The following TGM6 variants were observed in gnomAD, a reference collection of about 807,000 sequenced individuals.
The protein encoded by TGM6 is transglutaminase 6, also known as protein-glutamine gamma-glutamyltransferase 6.
Under a neutral mutation model 77.5 loss-of-function variants are expected in TGM6, and 74 were observed. The observed-to-expected ratio is 0.96, with a 90% CI of 0.79 to 1.16. The LOEUF is 1.16. TGM6 is among the 50% of genes most tolerant of loss of function. The pLI is 0.00. For synonymous variants in TGM6, 383 were observed against 378.9 expected, an observed-to-expected ratio of 1.01 and a Z score of -0.12; for missense variants, 968 against 940.2, an observed-to-expected ratio of 1.03 and a Z score of -0.39.
chr20:2,431,894 T>C (rs537536211), intron 12 of TGM6, among the ~76,000 whole-genome samples: 2 of 152,178 alleles, frequency 1.3e-5, no homozygotes, highest in South Asian at 2.1e-4. Flanking sequence ...CTTGGGTGGA[T>C]TGGAATAAGA....
At chr20:2,417,615 C>A in intron 10 of TGM6, 42 bp downstream of exon 10, 8 of 1,560,156 alleles carry the variant, frequency 5.1e-6, no homozygotes, top group Non-Finnish European at 6.9e-6. Context: ...CAAACCACCT[C>A]CTTTTTCAGG....
chr20:2,395,519 G>A, intron 3 of TGM6, 83 bp downstream of exon 3: 1 of 1,610,558 alleles, frequency 6.2e-7, no homozygotes, highest in Non-Finnish European at 8.5e-7. Context: ...GGCCTGGGAG[G>A]TGGGTTAAAG....
chr20:2,384,936 G>T (rs1568651203), intron 1 of TGM6, among the ~76,000 whole-genome samples: 3 of 151,942 alleles, frequency 2.0e-5, no homozygotes, highest in Admixed American at 2.0e-4. Context: ...AAGGGTGAAG[G>T]CCCCCAGAGC....
intron 9 of TGM6, among the ~76,000 whole-genome samples, chr20:2,406,469 G>A (rs1373309008): frequency 2.7e-4 from 40 of 147,132 alleles, no homozygotes; most frequent in Non-Finnish European, 5.6e-4. Context: ...CTCCAGCCTG[G>A]GCAACACAGT....
At chr20:2,401,050 C>G (rs763740636) in intron 7 of TGM6, among the ~76,000 whole-genome samples, 1 of 151,704 alleles carries the variant, frequency 6.6e-6, no homozygotes, top group Non-Finnish European at 1.5e-5. Context: ...ACTAAAAACA[C>G]AAAAATTAGC....
At chr20:2,388,492 T>A (rs2084610336) in intron 1 of TGM6, among the ~76,000 whole-genome samples, 1 of 152,048 alleles carries the variant, frequency 6.6e-6, no homozygotes, top group South Asian at 2.1e-4. Context: ...TAACTCTGGG[T>A]CATGTGCAGT....
intron 7 of TGM6, among the ~76,000 whole-genome samples, chr20:2,402,242 A>T (rs1360110972): frequency 2.0e-5 from 3 of 152,040 alleles, no homozygotes; most frequent in African/African-American, 7.3e-5. Flanking sequence ...ACTCTATCTC[A>T]AAATAAATAA....
In TGM6 at chr20:2,396,630, CA is replaced by C; in HGVS notation, c.543+7del. 1 of 1,613,890 alleles carries C rather than the reference CA, an allele frequency of 6.2e-7. No individual in the cohort carries two copies. Among genetic ancestry groups the C allele is most frequent in the South Asian group, 1.1e-5 (1 of 91,046 alleles). ...AGGGCTGGAACTACGGGCAGGTCTCCAGGGGCACAGGCCAGACAAGGATGTG... is the reference window on the plus strand; with the variant it reads ...AGGGCTGGAACTACGGGCAGGTCTCCGGGGCACAGGCCAGACAAGGATGTG... On this transcript the variant is annotated splice_region_variant and intron_variant, in intron 4 of 12. Coordinates refer to ENST00000202625, the MANE Select transcript of TGM6 (RefSeq NM_198994.3).
At chr20:2,411,899 T>C (rs1048088679) in intron 9 of TGM6, among the ~76,000 whole-genome samples, 37 of 152,188 alleles carry the variant, frequency 2.4e-4, no homozygotes, top group African/African-American at 8.4e-4. Flanking sequence ...AATAGAATTA[T>C]CATACAATCC....
At chr20:2,408,903 G>A (rs1042648993) in intron 9 of TGM6, among the ~76,000 whole-genome samples, 1 of 152,020 alleles carries the variant, frequency 6.6e-6, no homozygotes, top group South Asian at 2.1e-4. Context: ...AGTATTTTGG[G>A]GAAAAATAAA....
intron 1 of TGM6, among the ~76,000 whole-genome samples, chr20:2,392,149 C>T (rs955691789): frequency 6.6e-6 from 1 of 152,196 alleles, no homozygotes; most frequent in African/African-American, 2.4e-5. Context: ...GTCTTCTCCA[C>T]TGGGCTATCA....
intron 9 of TGM6, among the ~76,000 whole-genome samples, chr20:2,416,100 A>C (rs1335976854): frequency 2.0e-5 from 3 of 152,172 alleles, no homozygotes; most frequent in Non-Finnish European, 4.4e-5. Flanking sequence ...AGGATGAGCC[A>C]GTGGTGTTAG....
At chr20:2,413,054 G>A (rs760752342) in intron 9 of TGM6, among the ~76,000 whole-genome samples, 1 of 152,060 alleles carries the variant, frequency 6.6e-6, no homozygotes, top group African/African-American at 2.4e-5. Context: ...GAAACACAAG[G>A]GAACCCCAAA....
At chr20:2,420,086 T>C (rs1276646120) in intron 10 of TGM6, among the ~76,000 whole-genome samples, 1 of 151,858 alleles carries the variant, frequency 6.6e-6, no homozygotes, top group African/African-American at 2.4e-5. Context: ...CTACTAAAAA[T>C]ACAAAAAAAT....
chr20:2,407,158 C>T (rs1394000893), intron 9 of TGM6, among the ~76,000 whole-genome samples: 1 of 152,226 alleles, frequency 6.6e-6, no homozygotes, highest in African/African-American at 2.4e-5. Context: ...CTCTGCACTG[C>T]ACTGCCACTA....
At chr20:2,400,180 A>G (rs2084696202) in intron 6 of TGM6, 126 bp from the exon 7 acceptor site, 4 of 1,353,208 alleles carry the variant, frequency 3.0e-6, no homozygotes, top group Non-Finnish European at 3.1e-6. Flanking sequence ...GATGAACTAG[A>G]CACACAGACA....
At chr20:2,408,001 A>G (rs913741453) in intron 9 of TGM6, among the ~76,000 whole-genome samples, 1 of 152,196 alleles carries the variant, frequency 6.6e-6, no homozygotes, top group South Asian at 2.1e-4. Flanking sequence ...TAATTCGACC[A>G]GGGCAGAAGG....
chr20:2,421,575 A>C (rs1048286122), intron 10 of TGM6, among the ~76,000 whole-genome samples: 1 of 152,200 alleles, frequency 6.6e-6, no homozygotes, highest in African/African-American at 2.4e-5. Context: ...TGACATCTCT[A>C]TCTCTTCTTT....
At chr20:2,408,876 T>C (rs1274678600) in intron 9 of TGM6, among the ~76,000 whole-genome samples, 1 of 152,056 alleles carries the variant, frequency 6.6e-6, no homozygotes, top group Non-Finnish European at 1.5e-5. Context: ...AAATAACTAG[T>C]ATTTCAGATA....
Sources: gnomAD v4.1 joint callset for allele counts (sites outside exome capture counted in the v4.1 genomes callset) on GRCh38, gnomAD v4.1.1 for gene constraint, MANE v1.5 for transcripts, NCBI Gene and HGNC (gene_info 2026-07-23, HGNC 2026-07-21) for gene names.